ABCG8: variants seen among roughly 807,000 people sequenced by gnomAD.
ABCG8 encodes the protein ATP binding cassette subfamily G member 8.
A neutral mutation model predicts 71.3 loss-of-function variants in ABCG8; 81 were observed. The ratio of observed to expected loss-of-function variants is 1.14; its 90% confidence interval spans 0.95 to 1.37. The LOEUF (loss-of-function observed/expected upper bound fraction) is 1.37. Ranked by LOEUF, ABCG8 falls within the 40% of genes most tolerant of loss-of-function variation. The probability of loss-of-function intolerance (pLI) is 0.00; values close to 1 mark genes in which losing one functional copy is unlikely to be tolerated. For synonymous variants in ABCG8, 451 were observed against 354.7 expected (o/e 1.27, Z -3.05); for missense variants, 1,119 against 866.2 (o/e 1.29, Z -3.66).
chr2:43,877,747 A>G, intron 12 of ABCG8, 29 bp from the exon 13 acceptor site: 1 of 1,614,076 alleles, frequency 6.2e-7, no homozygotes, highest in South Asian at 1.1e-5. Context: ...CATCCTCCTC[A>G]TGAGCCCACT....
intron 1 of ABCG8, among the ~76,000 whole-genome samples, chr2:43,839,639 C>T (rs558660300): frequency 6.6e-6 from 1 of 151,934 alleles, no homozygotes; most frequent in Non-Finnish European, 1.5e-5. Context: ...GTTGGTCAGG[C>T]TCAAACTCCT....
chr2:43,862,356 C>T (rs1472572019), intron 6 of ABCG8, among the ~76,000 whole-genome samples: 1 of 151,114 alleles, frequency 6.6e-6, no homozygotes, highest in African/African-American at 2.4e-5. Flanking sequence ...AGAAGTCTTA[C>T]TGTGTATCTG....
chr2:43,875,415 T>A lies in ABCG8; in HGVS notation c.1756+2T>A, dbSNP rs770488528. On this transcript the variant is annotated splice_donor_variant, in intron 11 of 12. Coordinates refer to ENST00000272286, the MANE Select transcript of ABCG8 (RefSeq NM_022437.3). LOFTEE classifies it high-confidence loss of function. ...TAAACTTGAGCAGCCTGTGGACAGG[T>A]AAGGCCTGCCCCCGGGGCCTGGGCC... is the stretch of plus-strand genomic sequence containing the variant. 9 of 1,612,654 alleles carry A rather than the reference T, an allele frequency of 5.6e-6. No individual in the cohort carries two copies. The highest frequency in any genetic ancestry group is 7.6e-6 in the Non-Finnish European group (9 of 1,179,028).
chr2:43,849,105 C>G (rs67734975), intron 3 of ABCG8, among the ~76,000 whole-genome samples: 9,516 of 150,870 alleles, frequency 0.063, 416 homozygotes, highest in African/African-American at 0.11. Context: ...TCAGCAATGC[C>G]AAAAGTGGTT....
chr2:43,873,731 G>A lies in ABCG8; in HGVS notation c.1212-56G>A, dbSNP rs1445544025. ...CTTATGGAGACTGTGACATTCCCAG[G>A]GTCACGGGGCTGGTGTATGCTGTTG... On this transcript the variant is annotated intron_variant, in intron 8 of 12. Transcript: ENST00000272286. 5.1e-6 allele frequency: 8 copies of A among 1,570,318 alleles called. No homozygotes were observed. The Admixed American group carries it at 6.7e-5, about 13-fold the overall frequency.
chr2:43,845,121 A>ATATATAAT (rs1553376737), intron 2 of ABCG8, among the ~76,000 whole-genome samples: 1 of 133,090 alleles, frequency 7.5e-6, no homozygotes, highest in African/African-American at 2.9e-5. Flanking sequence ...TATATATATA[A>ATATATAAT]TTTTTTTTTT....
chr2:43,876,257 C>G (rs567537777), intron 11 of ABCG8, among the ~76,000 whole-genome samples: 1 of 152,208 alleles, frequency 6.6e-6, no homozygotes, highest in East Asian at 1.9e-4. Flanking sequence ...GTCCATGTCC[C>G]CAGCAACCCC....
chr2:43,863,442 C>T (rs1669404893), intron 6 of ABCG8, among the ~76,000 whole-genome samples: 1 of 150,626 alleles, frequency 6.6e-6, no homozygotes, highest in Non-Finnish European at 1.5e-5. Flanking sequence ...CTCTCACTAA[C>T]TGGATAGAAT....
intron 8 of ABCG8, among the ~76,000 whole-genome samples, chr2:43,873,425 C>G (rs1669848892): frequency 6.6e-6 from 1 of 152,086 alleles, no homozygotes; most frequent in African/African-American, 2.4e-5. Flanking sequence ...CGCCTGGCCT[C>G]AAGCGATCCA....
At position 43,852,685 on chromosome 2, in the gene ABCG8, G is replaced by T; in HGVS notation, c.781G>T (p.Gly261Cys). 6.2e-7 allele frequency: 1 copy of T among 1,614,166 alleles called. No individual in the cohort carries two copies. The highest frequency in any genetic ancestry group is 8.5e-7 in the Non-Finnish European group (1 of 1,180,022). Residue 261 changes from glycine (G) to cysteine (C), a missense_variant, in exon 6 of 13, where the codon GGC (glycine) becomes TGC (cysteine). Gly to Cys is a radical substitution (Grantham distance 159). Coordinates refer to ENST00000272286, the MANE Select transcript of ABCG8 (RefSeq NM_022437.3). ...LVKTLSRLAKGNRLVLISLHQ... is the reference protein window; with the variant it reads ...LVKTLSRLAKCNRLVLISLHQ... ...GAAGACCTTGTCCAGGCTGGCCAAAGGCAACCGGCTGGTGCTCATCTCCCT... is the reference window on the plus strand; with the variant it reads ...GAAGACCTTGTCCAGGCTGGCCAAATGCAACCGGCTGGTGCTCATCTCCCT...
chr2:43,862,032 A>T (rs1169700880), intron 6 of ABCG8, among the ~76,000 whole-genome samples: 4 of 151,420 alleles, frequency 2.6e-5, no homozygotes, highest in African/African-American at 9.7e-5. Context: ...GTCTGGATAG[A>T]ATTCTCACCA....
Position 43,846,209 on chromosome 2 carries a change from C to G in ABCG8, c.220C>G (p.Pro74Ala), listed in dbSNP as rs373610655. The change falls in exon 3 of 13, where the codon CCC (proline) becomes GCC (alanine). Residue 74 changes from proline (P) to alanine (A), a missense_variant. Physicochemically the swap from Pro to Ala is conservative, Grantham distance 27. Transcript: ENST00000272286. ...WFEQLAQFKM[P>A]WTSPSCQNSC... Reference sequence around the variant, plus strand: ...TGAGCAGCTGGCTCAGTTCAAGATGCCCTGGACATCTCCCAGCTGCCAGAA... The same window carrying G: ...TGAGCAGCTGGCTCAGTTCAAGATGGCCTGGACATCTCCCAGCTGCCAGAA... The G allele has an allele frequency of 9.5e-5, 153 of 1,613,968 alleles. No homozygotes were observed. The highest frequency in any genetic ancestry group is 3.7e-4 in the South Asian group (34 of 91,080).
chr2:43,854,626 C>CAAA (rs759609173), intron 6 of ABCG8, among the ~76,000 whole-genome samples: 28 of 74,676 alleles, frequency 3.7e-4, no homozygotes, highest in South Asian at 2.2e-3. Flanking sequence ...GACTCCATCT[C>CAAA]AAAAAAAAAA....
intron 1 of ABCG8, among the ~76,000 whole-genome samples, chr2:43,839,611 G>C (rs1668499384): frequency 6.6e-6 from 1 of 151,484 alleles, no homozygotes; most frequent in African/African-American, 2.4e-5. Context: ...TTTTTTAGTA[G>C]AGACAGTGTT....
chr2:43,855,598 A>T (rs1450750029), intron 6 of ABCG8, among the ~76,000 whole-genome samples: 1 of 152,184 alleles, frequency 6.6e-6, no homozygotes, highest in Non-Finnish European at 1.5e-5. Flanking sequence ...ATCTATCTAG[A>T]TAGAATTATC....
intron 6 of ABCG8, among the ~76,000 whole-genome samples, chr2:43,853,947 C>T (rs1669013199): frequency 6.6e-6 from 1 of 152,170 alleles, no homozygotes; most frequent in Non-Finnish European, 1.5e-5. Flanking sequence ...GAAAGGTCAC[C>T]TCCCTCCCTG....
intron 6 of ABCG8, among the ~76,000 whole-genome samples, chr2:43,855,137 G>C (rs932273306): frequency 6.6e-6 from 1 of 152,192 alleles, no homozygotes. Context: ...AATCTGGATA[G>C]AATTCTCATT....
At chr2:43,874,513 C>CCCCCA in intron 10 of ABCG8, 30 bp downstream of exon 10, 2 of 1,564,014 alleles carry the variant, frequency 1.3e-6, no homozygotes, top group Non-Finnish European at 1.8e-6. Context: ...AGCAAGTGCC[C>CCCCCA]CCCACCCACC....
At chr2:43,875,109 G>C in intron 10 of ABCG8, 37 bp from the exon 11 acceptor site, 1 of 1,613,984 alleles carries the variant, frequency 6.2e-7, no homozygotes, top group African/African-American at 1.3e-5. Context: ...CAGTGAAGGT[G>C]CTGGCTTCAT....
Sources: allele counts gnomAD v4.1 joint callset (sites outside exome capture counted in the v4.1 genomes callset), GRCh38; gene constraint gnomAD v4.1.1; transcripts MANE v1.5; gene names NCBI Gene and HGNC (gene_info 2026-07-23, HGNC 2026-07-21).